The following MCTP1 variants were observed in gnomAD, a reference collection of about 807,000 sequenced individuals.
MCTP1 encodes the protein multiple C2 and transmembrane domain containing 1.
MCTP1 carries 69 observed loss-of-function variants against 120.6 expected under a neutral mutation model. The ratio of observed to expected loss-of-function variants is 0.57; its 90% CI spans 0.47 to 0.70. MCTP1 has a LOEUF of 0.70. MCTP1 is among the 30% of genes least tolerant of loss of function. MCTP1 has a pLI of 0.00. For synonymous variants in MCTP1, 529 were observed against 493.1 expected, an observed-to-expected ratio of 1.07 and a Z score of -0.96; for missense variants, 1,203 against 1,248.8, an observed-to-expected ratio of 0.96 and a Z score of 0.55.
At chr5:95,093,007 T>C (rs970520316) in intron 1 of MCTP1, among the ~76,000 whole-genome samples, 2 of 152,224 alleles carry the variant, frequency 1.3e-5, no homozygotes, top group African/African-American at 2.4e-5. Flanking sequence ...AGAATATCTA[T>C]GGTTTGGATT....
In MCTP1 at chr5:94,868,464, A is replaced by G. The variant is rs200721533; in HGVS notation, c.2317-12T>C. The G allele has an allele frequency of 4.6e-5, 73 of 1,573,120 alleles. No individual in the cohort carries two copies. The highest frequency in any genetic ancestry group is 6.2e-5 in the Non-Finnish European group (72 of 1,161,220). Reference sequence around the variant, plus strand: ...TTTCTTAGTAGCAGCTGTAAGGAAAATGAAAATATTATTATAATTTGCAAG... The same window carrying G: ...TTTCTTAGTAGCAGCTGTAAGGAAAGTGAAAATATTATTATAATTTGCAAG... On this transcript the variant is annotated splice_polypyrimidine_tract_variant and intron_variant, in intron 16 of 22. Coordinates refer to ENST00000515393, the MANE Select transcript of MCTP1 (RefSeq NM_024717.7).
chr5:94,954,125 A>AATATATATATGCATATATATAC (rs1481783085), intron 2 of MCTP1, among the ~76,000 whole-genome samples: 1 of 72,970 alleles, frequency 1.4e-5, no homozygotes, highest in East Asian at 2.7e-4. Flanking sequence ...TATATATACA[A>AATATATATATGCATATATATAC]ATATATATAT....
intron 1 of MCTP1, among the ~76,000 whole-genome samples, chr5:95,114,161 T>TA (rs1399784923): frequency 1.3e-5 from 2 of 152,174 alleles, no homozygotes. Flanking sequence ...CCATGGGCCT[T>TA]GAGTAAGACT....
chr5:94,746,033 T>TG, intron 19 of MCTP1, among the ~76,000 whole-genome samples: 1 of 152,344 alleles, frequency 6.6e-6, no homozygotes, highest in East Asian at 1.9e-4. Flanking sequence ...ATCTGTCCTA[T>TG]GTTATCAAGA....
intron 1 of MCTP1, among the ~76,000 whole-genome samples, chr5:95,040,298 C>T (rs968777124): frequency 6.6e-6 from 1 of 152,040 alleles, no homozygotes; most frequent in African/African-American, 2.4e-5. Flanking sequence ...ATTAGCCAGG[C>T]ATGGTGGTTC....
chr5:95,037,090 GGCA>G (rs1357897403), intron 1 of MCTP1, among the ~76,000 whole-genome samples: 1 of 152,180 alleles, frequency 6.6e-6, no homozygotes, highest in Non-Finnish European at 1.5e-5. Context: ...GGAGTTTCAT[GGCA>G]GTAAATCAGA....
At chr5:94,864,216 A>G (rs1796359994) in intron 17 of MCTP1, among the ~76,000 whole-genome samples, 1 of 151,878 alleles carries the variant, frequency 6.6e-6, no homozygotes, top group Admixed American at 6.6e-5. Flanking sequence ...CCAGATATGA[A>G]CAGAAAGAAA....
intron 1 of MCTP1, among the ~76,000 whole-genome samples, chr5:95,181,580 C>T (rs1748604937): frequency 6.6e-6 from 1 of 151,966 alleles, no homozygotes; most frequent in Non-Finnish European, 1.5e-5. Context: ...ATTATAAGTA[C>T]ACACACACAT....
chr5:95,154,365 A>C (rs1744859676), intron 1 of MCTP1: 1 of 151,598 alleles, frequency 6.6e-6, no homozygotes, highest in South Asian at 2.1e-4. Flanking sequence ...AGGCCAAGAA[A>C]CCATTCTTAA....
intron 1 of MCTP1, among the ~76,000 whole-genome samples, chr5:95,211,234 T>G (rs1752332157): frequency 6.6e-6 from 1 of 152,158 alleles, no homozygotes; most frequent in South Asian, 2.1e-4. Context: ...CTTGCTAGAT[T>G]GGGGAAGTTC....
chr5:94,983,515 T>C lies in MCTP1; in HGVS notation c.839-30154A>G, dbSNP rs963219871. ...CCATAACAAAGAGATCCAAAAAATA[T>C]AGTGGCTTGGTCAGGCATGGTGGCT... On this transcript the variant is annotated intron_variant, in intron 2 of 22. Coordinates refer to ENST00000515393, the MANE Select transcript of MCTP1 (RefSeq NM_024717.7). Among the ~76,000 whole-genome samples, 11 of 152,102 alleles carry C rather than the reference T, an allele frequency of 7.2e-5. No homozygotes were observed. The East Asian group carries it at 1.2e-3, about 16-fold the overall frequency.
In MCTP1 at chr5:95,009,306, C is replaced by T. The variant is rs896642577; in HGVS notation, c.838+8061G>A. ...ATGGCTATTACCAGATATATTTACA[C>T]AGATTGCTCTTAAATTTTTTAACAA... On this transcript the variant is annotated intron_variant, in intron 2 of 22. Coordinates refer to ENST00000515393, the MANE Select transcript of MCTP1 (RefSeq NM_024717.7). Among the ~76,000 whole-genome samples, 4 of 152,092 alleles carry T rather than the reference C, an allele frequency of 2.6e-5. No homozygotes were observed. The South Asian group carries it at 6.2e-4, about 24-fold the overall frequency.
intron 9 of MCTP1, among the ~76,000 whole-genome samples, chr5:94,911,630 T>A (rs957635127): frequency 6.6e-6 from 1 of 152,176 alleles, no homozygotes; most frequent in African/African-American, 2.4e-5. Flanking sequence ...CTTGCAGAAC[T>A]GGGAGTCAGT....
chr5:94,771,707 T>C (rs1774120703), intron 19 of MCTP1, among the ~76,000 whole-genome samples: 2 of 152,216 alleles, frequency 1.3e-5, no homozygotes, highest in African/African-American at 4.8e-5. Context: ...GGAACTCAGA[T>C]CTAGTGCTTT....
intron 1 of MCTP1, among the ~76,000 whole-genome samples, chr5:95,233,408 A>G (rs1291443701): frequency 1.3e-5 from 2 of 151,560 alleles, no homozygotes; most frequent in Non-Finnish European, 2.9e-5. Context: ...AGCTCACTGC[A>G]AACTCTGCCT....
intron 17 of MCTP1, among the ~76,000 whole-genome samples, chr5:94,800,772 A>ATTTT (rs1781067175): frequency 6.6e-6 from 1 of 152,122 alleles, no homozygotes; most frequent in Non-Finnish European, 1.5e-5. Context: ...TGGGCACCAA[A>ATTTT]AAGCATAAAT....
chr5:95,077,024 C>G (rs948275508), intron 1 of MCTP1, among the ~76,000 whole-genome samples: 1 of 152,150 alleles, frequency 6.6e-6, no homozygotes, highest in Non-Finnish European at 1.5e-5. Context: ...CTAACTCAAG[C>G]CTTTAGTCAC....
At chr5:94,718,531 TTAAAC>T (rs1172370363) in intron 19 of MCTP1, among the ~76,000 whole-genome samples, 7 of 152,054 alleles carry the variant, frequency 4.6e-5, no homozygotes, top group Admixed American at 2.6e-4. Flanking sequence ...TGGGATCTAA[TTAAAC>T]TAAAGAGCTT....
chr5:94,860,975 T>C (rs893837869), intron 17 of MCTP1, among the ~76,000 whole-genome samples: 1 of 151,828 alleles, frequency 6.6e-6, no homozygotes, highest in African/African-American at 2.4e-5. Flanking sequence ...AGAGCTGACT[T>C]TGATTTATCA....
Sources: allele counts gnomAD v4.1 joint callset (sites outside exome capture counted in the v4.1 genomes callset), GRCh38; gene constraint gnomAD v4.1.1; transcripts MANE v1.5; gene names NCBI Gene and HGNC (gene_info 2026-07-23, HGNC 2026-07-21).